MTUS2: variants seen among roughly 807,000 people sequenced by gnomAD.
The protein encoded by MTUS2 is microtubule-associated tumor suppressor candidate 2.
In MTUS2, 40 loss-of-function variants were observed where a neutral mutation model predicts 114.1. That is an observed-to-expected ratio of 0.35 (90% CI 0.27 to 0.46). The LOEUF (loss-of-function observed/expected upper bound fraction) is 0.46, where lower values mean the gene tolerates loss of function less well. Among genes scored for constraint, MTUS2 ranks in the 20% least tolerant of loss-of-function variants. The pLI, the probability that MTUS2 is intolerant of heterozygous loss-of-function variation, is 1.00. For synonymous variants in MTUS2, 688 were observed against 672.0 expected, an observed-to-expected ratio of 1.02 and a Z score of -0.37; for missense variants, 1,679 against 1,705.4, an observed-to-expected ratio of 0.98 and a Z score of 0.27.
Position 29,026,184 on chromosome 13 carries a change from G to A in MTUS2, c.1486G>A (p.Ala496Thr), listed in dbSNP as rs1886535411. The A allele has an allele frequency of 2.5e-6, 4 of 1,613,998 alleles. No homozygotes were observed. Among genetic ancestry groups the A allele is most frequent in the Non-Finnish European group, 3.4e-6 (4 of 1,179,888 alleles). ...PLDPQSGRSE[A>T]RESKEVTTSV... The stretch of plus-strand genomic sequence containing the variant: ...GGACCCTCAAAGTGGCCGCTCAGAA[G>A]CACGGGAAAGCAAAGAGGTCACCAC... The change falls in exon 3 of 16, where the codon GCA becomes ACA. Residue 496 changes from alanine (A) to threonine (T), a missense_variant. Physicochemically the swap from Ala to Thr is moderately conservative, Grantham distance 58. Transcript: ENST00000612955.
intron 5 of MTUS2, among the ~76,000 whole-genome samples, chr13:29,210,944 G>A (rs1279426218): frequency 6.6e-6 from 1 of 152,218 alleles, no homozygotes; most frequent in Non-Finnish European, 1.5e-5. Context: ...CTCAGCCGCA[G>A]TAGTGTAGGG....
At chr13:29,228,930 G>A (rs528911114) in intron 5 of MTUS2, among the ~76,000 whole-genome samples, 96 of 152,084 alleles carry the variant, frequency 6.3e-4, no homozygotes, top group African/African-American at 2.2e-3. Context: ...CTATGCATTG[G>A]CTTGAGAAAC....
intron 8 of MTUS2, among the ~76,000 whole-genome samples, chr13:29,438,448 T>C (rs529959004): frequency 6.6e-6 from 1 of 152,322 alleles, no homozygotes; most frequent in East Asian, 1.9e-4. Context: ...AGATCTAGGC[T>C]CCAGCAGTTT....
intron 5 of MTUS2, among the ~76,000 whole-genome samples, chr13:29,251,703 A>G (rs1448556673): frequency 6.6e-6 from 1 of 152,168 alleles, no homozygotes; most frequent in Non-Finnish European, 1.5e-5. Context: ...ATGATACAGT[A>G]TTTGTTCTTT....
intron 4 of MTUS2, among the ~76,000 whole-genome samples, chr13:29,099,366 G>C (rs980278752): frequency 6.6e-6 from 1 of 152,130 alleles, no homozygotes; most frequent in Non-Finnish European, 1.5e-5. Context: ...CCTGACTCAG[G>C]CATCAGGAAC....
intron 7 of MTUS2, among the ~76,000 whole-genome samples, chr13:29,342,465 CTGT>C (rs1901450775): frequency 6.6e-6 from 1 of 151,896 alleles, no homozygotes; most frequent in African/African-American, 2.4e-5. Flanking sequence ...AGTTTGGTTG[CTGT>C]TGTTGTATAG....
At chr13:29,090,223 C>T (rs1275573461) in intron 4 of MTUS2, among the ~76,000 whole-genome samples, 2 of 152,210 alleles carry the variant, frequency 1.3e-5, no homozygotes, top group African/African-American at 4.8e-5. Flanking sequence ...TCCTGGGCTG[C>T]ATGCTCTAAC....
chr13:29,355,545 G>A (rs1345518475), intron 7 of MTUS2, among the ~76,000 whole-genome samples: 2 of 152,218 alleles, frequency 1.3e-5, no homozygotes, highest in Admixed American at 1.3e-4. Context: ...CCAACAGCCA[G>A]GCCTGGCCAG....
chr13:29,377,841 GT>G (rs1302825298), intron 8 of MTUS2, among the ~76,000 whole-genome samples: 1 of 152,146 alleles, frequency 6.6e-6, no homozygotes, highest in Non-Finnish European at 1.5e-5. Flanking sequence ...GTTCTTTGAA[GT>G]GGTCAATGAA....
intron 2 of MTUS2, among the ~76,000 whole-genome samples, chr13:28,913,600 A>C (rs963245737): frequency 4.6e-5 from 7 of 151,564 alleles, no homozygotes; most frequent in African/African-American, 9.7e-5. Context: ...TCTGATATCT[A>C]GTTTGGTATC....
rs184521407 is a variant in MTUS2, at chr13:29,450,010, G to T, written c.3184+9961G>T. Among the ~76,000 whole-genome samples, 3 of 152,308 alleles carry T rather than the reference G, an allele frequency of 2.0e-5. No individual in the cohort carries two copies. The East Asian group carries it at 5.8e-4, about 29-fold the overall frequency. ...TCCTTACAGCCACTGTCCTATGACC[G>T]CAAGGTGGAGGACCATGATGCCCCC... On this transcript the variant is annotated intron_variant, in intron 9 of 15. Coordinates refer to ENST00000612955, the MANE Select transcript of MTUS2 (RefSeq NM_001033602.4).
chr13:29,253,143 C>G, intron 5 of MTUS2, among the ~76,000 whole-genome samples: 1 of 151,724 alleles, frequency 6.6e-6, no homozygotes, highest in South Asian at 2.1e-4. Flanking sequence ...ATCACATCCC[C>G]GGCTGGTCAC....
At chr13:29,412,425 G>T (rs1875320187) in intron 8 of MTUS2, among the ~76,000 whole-genome samples, 1 of 152,006 alleles carries the variant, frequency 6.6e-6, no homozygotes, top group Non-Finnish European at 1.5e-5. Flanking sequence ...AGTCCCAATT[G>T]GTCACAATGT....
In MTUS2 at chr13:29,332,176, A is replaced by G. The variant is rs560912580; in HGVS notation, c.2905+7465A>G. Among the ~76,000 whole-genome samples, 304 of 152,274 alleles carry G rather than the reference A, an allele frequency of 2.0e-3. 2 individuals carry two copies. The highest frequency in any genetic ancestry group is 7.1e-3 in the African/African-American group (296 of 41,548). On this transcript the variant is annotated intron_variant, in intron 7 of 15. Transcript: ENST00000612955. Reference sequence around the variant, plus strand: ...TACCTCAGGTAGAGTTTGGCTATGAATCCATCCGGTCCTGGGCCGTTTTTC... The same window carrying G: ...TACCTCAGGTAGAGTTTGGCTATGAGTCCATCCGGTCCTGGGCCGTTTTTC...
intron 2 of MTUS2, among the ~76,000 whole-genome samples, chr13:28,935,577 A>G (rs939399839): frequency 6.6e-6 from 1 of 152,094 alleles, no homozygotes; most frequent in African/African-American, 2.4e-5. Context: ...TAATGATTAC[A>G]TGCTGTCCTC....
intron 8 of MTUS2, among the ~76,000 whole-genome samples, chr13:29,420,151 C>A (rs1003288600): frequency 2.0e-5 from 3 of 152,114 alleles, no homozygotes; most frequent in African/African-American, 7.2e-5. Flanking sequence ...GTAACCTACC[C>A]AAAATCACCC....
At position 29,411,629 on chromosome 13, in the gene MTUS2, C is replaced by T. The variant is rs149388939; in HGVS notation, c.3118-28354C>T. Reference sequence around the variant, plus strand: ...AAACACAGATTTGTTGGTGTTTTCACAGAGATTACATTAAACTTACTTAAC... The same window carrying T: ...AAACACAGATTTGTTGGTGTTTTCATAGAGATTACATTAAACTTACTTAAC... On this transcript the variant is annotated intron_variant, in intron 8 of 15. Transcript: ENST00000612955. 5.9e-5 allele frequency among the ~76,000 whole-genome samples: 9 copies of T among 152,322 alleles called. No individual in the cohort carries two copies. In the East Asian group the frequency reaches 1.7e-3, roughly 29 times the overall value.
At chr13:29,114,448 G>A (rs904627136) in intron 5 of MTUS2, among the ~76,000 whole-genome samples, 7 of 152,192 alleles carry the variant, frequency 4.6e-5, no homozygotes, top group Non-Finnish European at 1.0e-4. Flanking sequence ...GAGCAGCAGA[G>A]CAGATGTAAT....
Position 29,503,449 on chromosome 13 carries a change from T to G in MTUS2, c.*243T>G. 1 of 585,514 alleles carries G rather than the reference T, an allele frequency of 1.7e-6. No homozygotes were observed. Among genetic ancestry groups the G allele is most frequent in the Non-Finnish European group, 3.0e-6 (1 of 328,640 alleles). 36.3% of individuals were successfully genotyped at this position (585,514 alleles called of 1,614,324 possible). The stretch of plus-strand genomic sequence containing the variant: ...ATAGTTAGAGCCAAAAGAAAGACAC[T>G]TGCAATTGTTCTTGAGCAATGAACT... On this transcript the variant is annotated 3_prime_UTR_variant, in exon 16 of 16. Coordinates refer to ENST00000612955, the MANE Select transcript of MTUS2 (RefSeq NM_001033602.4).
Sources: allele counts gnomAD v4.1 joint callset (sites outside exome capture counted in the v4.1 genomes callset), GRCh38; gene constraint gnomAD v4.1.1; transcripts MANE v1.5; gene names NCBI Gene and HGNC (gene_info 2026-07-23, HGNC 2026-07-21).